The following COPS4 variants were observed in gnomAD, a reference collection of about 807,000 sequenced individuals.
COPS4 encodes COP9 signalosome complex subunit 4.
A neutral mutation model predicts 55.1 loss-of-function variants in COPS4; 8 were observed. The observed-to-expected ratio is 0.15, with a 90% CI of 0.09 to 0.26. The LOEUF is 0.26. COPS4 is among the 10% of genes least tolerant of loss of function. The pLI is 1.00. For synonymous variants in COPS4, 185 were observed against 165.7 expected, an observed-to-expected ratio of 1.12 and a Z score of -0.90; for missense variants, 248 against 484.0, an observed-to-expected ratio of 0.51 and a Z score of 4.58.
At chr4:83,045,473 T>TAA in intron 1 of COPS4, 153 bp from the exon 2 acceptor site, 1 of 472,590 alleles carries the variant, frequency 2.1e-6, no homozygotes, top group Non-Finnish European at 3.7e-6. Context: ...ACTAGAAACT[T>TAA]AAAAAAAAAT....
At chr4:83,060,027 T>G (rs763097626) in intron 6 of COPS4, among the ~76,000 whole-genome samples, 4 of 152,044 alleles carry the variant, frequency 2.6e-5, no homozygotes, top group East Asian at 1.9e-4. Context: ...TATAGGTACT[T>G]CCGCATTCCC....
chr4:83,046,494 C>G (rs572681681), intron 2 of COPS4, among the ~76,000 whole-genome samples: 4 of 152,112 alleles, frequency 2.6e-5, no homozygotes, highest in African/African-American at 9.7e-5. Context: ...CTTGTATATT[C>G]GCCATATTGC....
At position 83,057,269 on chromosome 4, in the gene COPS4, A is replaced by C; in HGVS notation, c.576A>C (p.Ala192=). 1.2e-6 allele frequency: 2 copies of C among 1,605,560 alleles called. No individual in the cohort carries two copies. Among genetic ancestry groups the C allele is most frequent in the Non-Finnish European group, 1.7e-6 (2 of 1,176,468 alleles). ...QLQIHYKVCY[A]RVLDYRRKFI... ...TTTCCCTCTGTTAGGTATGCTATGC[A>C]CGTGTTCTTGATTATAGAAGAAAAT... The change falls in exon 6 of 10, where the codon GCA becomes GCC. Residue 192 remains alanine, a synonymous_variant. Transcript: ENST00000264389.
intron 8 of COPS4, 142 bp from the exon 9 acceptor site, chr4:83,068,296 A>G: frequency 8.3e-6 from 5 of 603,276 alleles, no homozygotes; most frequent in Non-Finnish European, 1.5e-5. Flanking sequence ...CAGATTTACA[A>G]GATTTACTCT....
intron 4 of COPS4, among the ~76,000 whole-genome samples, chr4:83,051,017 G>C (rs368446101): frequency 1.8e-4 from 28 of 151,714 alleles, no homozygotes; most frequent in African/African-American, 5.1e-4. Flanking sequence ...CAAGCACTTT[G>C]GGAGGCTGAG....
intron 1 of COPS4, among the ~76,000 whole-genome samples, chr4:83,039,956 C>A (rs1427805062): frequency 6.6e-6 from 1 of 152,092 alleles, no homozygotes; most frequent in African/African-American, 2.4e-5. Flanking sequence ...TTAAATGTTG[C>A]CTCTGCCCCA....
rs373322675 is a variant in COPS4, at chr4:83,057,253, G to A, written c.565-5G>A. 1.0e-5 allele frequency: 16 copies of A among 1,583,754 alleles called. No individual in the cohort carries two copies. In the African/African-American group the frequency reaches 1.9e-4, roughly 19 times the overall value. ...CCCCTAATTGAAATATTTTCCCTCT[G>A]TTAGGTATGCTATGCACGTGTTCTT... On this transcript the variant is annotated splice_region_variant and splice_polypyrimidine_tract_variant and intron_variant, in intron 5 of 9. Transcript: ENST00000264389.
At chr4:83,057,139 G>A in intron 5 of COPS4, 60 bp downstream of exon 5, 1 of 1,537,286 alleles carries the variant, frequency 6.5e-7, no homozygotes, top group Non-Finnish European at 8.9e-7. Flanking sequence ...ATACTAAGAT[G>A]TTCCAGGACA....
At chr4:83,058,726 A>G (rs1008633783) in intron 6 of COPS4, among the ~76,000 whole-genome samples, 2 of 152,196 alleles carry the variant, frequency 1.3e-5, no homozygotes, top group African/African-American at 4.8e-5. Context: ...ACATGTCAGT[A>G]CATATAACTC....
intron 6 of COPS4, among the ~76,000 whole-genome samples, chr4:83,060,201 T>TG (rs1731128815): frequency 1.3e-5 from 2 of 151,240 alleles, no homozygotes; most frequent in Non-Finnish European, 3.0e-5. Flanking sequence ...TTTTTTTTTT[T>TG]GAGATGGAGT....
intron 3 of COPS4, 116 bp downstream of exon 3, chr4:83,049,433 T>A: frequency 1.1e-6 from 1 of 887,594 alleles, no homozygotes; most frequent in Non-Finnish European, 1.6e-6. Context: ...GACAAAACAG[T>A]GTGCCAAACG....
chr4:83,063,748 C>T (rs910770261), intron 7 of COPS4, among the ~76,000 whole-genome samples: 14 of 149,434 alleles, frequency 9.4e-5, no homozygotes, highest in South Asian at 6.2e-4. Flanking sequence ...TTACTCTTGT[C>T]GCCCAGGCTG....
At chr4:83,047,662 G>C (rs912495023) in intron 2 of COPS4, among the ~76,000 whole-genome samples, 2 of 152,104 alleles carry the variant, frequency 1.3e-5, no homozygotes, top group Non-Finnish European at 2.9e-5. Context: ...TACATCAACT[G>C]AACAGTTTTT....
At chr4:83,072,582 T>C (rs1731463142) in intron 9 of COPS4, among the ~76,000 whole-genome samples, 1 of 152,264 alleles carries the variant, frequency 6.6e-6, no homozygotes. Context: ...TCTAATATTA[T>C]TTTACATTTA....
At chr4:83,072,925 C>CCAATG (rs1160166947) in intron 9 of COPS4, among the ~76,000 whole-genome samples, 1 of 151,978 alleles carries the variant, frequency 6.6e-6, no homozygotes, top group Non-Finnish European at 1.5e-5. Context: ...GATTGTGACC[C>CCAATG]CAATGCTTTG....
intron 6 of COPS4, among the ~76,000 whole-genome samples, chr4:83,059,954 G>A (rs544429602): frequency 6.6e-6 from 1 of 152,068 alleles, no homozygotes; most frequent in South Asian, 2.1e-4. Context: ...GCCCTCCTCC[G>A]CCTTCCAAAG....
chr4:83,065,716 A>C (rs923994635), intron 7 of COPS4, among the ~76,000 whole-genome samples: 1 of 152,192 alleles, frequency 6.6e-6, no homozygotes, highest in Non-Finnish European at 1.5e-5. Context: ...CGGATCCTGG[A>C]TCTGGATCTG....
chr4:83,061,000 C>T (rs1400502205), intron 6 of COPS4, among the ~76,000 whole-genome samples: 1 of 151,094 alleles, frequency 6.6e-6, no homozygotes, highest in South Asian at 2.1e-4. Context: ...CGCCATTGCA[C>T]TCCAGCCTGG....
chr4:83,061,965 C>T lies in COPS4; in HGVS notation c.716-1111C>T, dbSNP rs767897546. Reference sequence around the variant, plus strand: ...TTGAAATCAGCTATTTTTCAAGGATCCCTAGTTCTTTTTAATGGACTACCA... The same window carrying T: ...TTGAAATCAGCTATTTTTCAAGGATTCCTAGTTCTTTTTAATGGACTACCA... On this transcript the variant is annotated intron_variant, in intron 6 of 9. Transcript: ENST00000264389. 6.5e-4 allele frequency among the ~76,000 whole-genome samples: 99 copies of T among 152,162 alleles called. 1 individual carries two copies. The highest frequency in any genetic ancestry group is 3.7e-4 in the Non-Finnish European group (25 of 68,036).
Sources: allele counts gnomAD v4.1 joint callset (sites outside exome capture counted in the v4.1 genomes callset), GRCh38; gene constraint gnomAD v4.1.1; transcripts MANE v1.5; gene names NCBI Gene and HGNC (gene_info 2026-07-23, HGNC 2026-07-21).